ZFHX3: variants seen among roughly 807,000 people sequenced by gnomAD.
ZFHX3 encodes the protein zinc finger homeobox protein 3.
A neutral mutation model predicts 279.1 loss-of-function variants in ZFHX3; 42 were observed. The ratio of observed to expected loss-of-function variants is 0.15; its 90% confidence interval spans 0.12 to 0.19. The LOEUF (loss-of-function observed/expected upper bound fraction) is 0.19, where lower values mean the gene tolerates loss of function less well. Ranked by LOEUF, ZFHX3 falls within the 10% of genes least tolerant of loss-of-function variation. The pLI, the probability that ZFHX3 is intolerant of heterozygous loss-of-function variation, is 1.00. For missense variants in ZFHX3, 4,981 were observed against 4,754.0 expected, an observed-to-expected ratio of 1.05 and a Z score of -1.40; for synonymous variants, 2,293 against 1,957.8, an observed-to-expected ratio of 1.17 and a Z score of -4.52.
chr16:73,313,473 A>ATT (rs755005311), intron 4 of ZFHX3, among the ~76,000 whole-genome samples: 1 of 152,146 alleles, frequency 6.6e-6, no homozygotes, highest in Non-Finnish European at 1.5e-5. Context: ...TATACAACTT[A>ATT]TTTACCATAA....
At chr16:73,582,767 A>G (rs11865551) in intron 2 of ZFHX3, among the ~76,000 whole-genome samples, 13,050 of 151,828 alleles carry the variant, frequency 0.086, 1,652 homozygotes, top group African/African-American at 0.25. Flanking sequence ...ATGAGCCACC[A>G]TGCCTGGCCA....
intron 1 of ZFHX3, among the ~76,000 whole-genome samples, chr16:73,855,033 C>T (rs1225286989): frequency 2.6e-5 from 4 of 151,998 alleles, no homozygotes; most frequent in East Asian, 1.9e-4. Flanking sequence ...GTATTTTTCC[C>T]GAGGAGGTAC....
At chr16:73,791,816 T>C (rs1959833432) in intron 1 of ZFHX3, among the ~76,000 whole-genome samples, 1 of 152,212 alleles carries the variant, frequency 6.6e-6, no homozygotes, top group Non-Finnish European at 1.5e-5. Context: ...CTTTCAAATA[T>C]GTATTAATGA....
chr16:72,787,039 C>CTT lies in ZFHX3; in HGVS notation c.*123_*124dup, dbSNP rs76239888. 5.8e-3 allele frequency: 3,966 copies of CTT among 681,532 alleles called. 6 individuals carry two copies. Among genetic ancestry groups the CTT allele is most frequent in the East Asian group, 0.016 (279 of 17,996 alleles). The allele number at this position is 681,532 out of a possible 1,614,324, so 42.2% of individuals were successfully genotyped here. A position where few individuals can be genotyped will look rare whatever the true frequency, so the allele number is the denominator to read the frequency against. On this transcript the variant is annotated 3_prime_UTR_variant, in exon 10 of 10. Transcript: ENST00000268489. Reference sequence around the variant, plus strand: ...ACAACCCACGCTTTTTCTTTTTTTTCTTTTTTTTTTTTTTTTTGTTTTTTG... The same window carrying CTT: ...ACAACCCACGCTTTTTCTTTTTTTTCTTTTTTTTTTTTTTTTTTTGTTTTTTG...
rs548880808 is a variant in ZFHX3 at position 73,423,285 on chromosome 16, G to A, written c.-1291+32718C>T. On this transcript the variant is annotated intron_variant, in intron 3 of 17. Transcript: ENST00000641206. ...TTTTGCTGAGCATTGGACAGACACAGTTTTATAGCTAGACGACTAACATTT... is the reference window on the plus strand; with the variant it reads ...TTTTGCTGAGCATTGGACAGACACAATTTTATAGCTAGACGACTAACATTT... Among the ~76,000 whole-genome samples the A allele has an allele frequency of 2.6e-5, 4 of 152,262 alleles. No individual in the cohort carries two copies. In the South Asian group the frequency reaches 8.3e-4, roughly 32 times the overall value.
intron 3 of ZFHX3, among the ~76,000 whole-genome samples, chr16:73,334,729 C>A (rs775204956): frequency 8.6e-5 from 13 of 151,428 alleles, no homozygotes; most frequent in African/African-American, 3.2e-4. Context: ...CAAATTTGAA[C>A]CTGTCCCCTC....
chr16:72,905,559 G>C (rs1032510928), intron 3 of ZFHX3, among the ~76,000 whole-genome samples: 1 of 152,142 alleles, frequency 6.6e-6, no homozygotes, highest in African/African-American at 2.4e-5. Context: ...ACAGAAGAAA[G>C]GAAGAGGGAG....
chr16:73,155,108 G>A (rs1032000543), intron 5 of ZFHX3, among the ~76,000 whole-genome samples: 1 of 148,948 alleles, frequency 6.7e-6, no homozygotes, highest in Admixed American at 6.9e-5. Context: ...GGAGGCAGAG[G>A]TTGCAAGTGA....
At chr16:73,356,485 G>A (rs1404608724) in intron 3 of ZFHX3, among the ~76,000 whole-genome samples, 1 of 151,980 alleles carries the variant, frequency 6.6e-6, no homozygotes, top group African/African-American at 2.4e-5. Context: ...TTGTCCCCAC[G>A]CTGAGACGGG....
intron 4 of ZFHX3, among the ~76,000 whole-genome samples, chr16:72,845,652 C>G (rs1180124332): frequency 1.3e-5 from 2 of 152,224 alleles, no homozygotes; most frequent in African/African-American, 2.4e-5. Flanking sequence ...CGCAAAGCAT[C>G]TGTGACCCAG....
chr16:73,358,140 C>T (rs2016375776), intron 3 of ZFHX3, among the ~76,000 whole-genome samples: 1 of 152,234 alleles, frequency 6.6e-6, no homozygotes, highest in Non-Finnish European at 1.5e-5. Flanking sequence ...TTTGAGACGC[C>T]TTGCTTTGTA....
intron 5 of ZFHX3, among the ~76,000 whole-genome samples, chr16:73,158,877 T>G (rs538271331): frequency 7.9e-5 from 12 of 152,346 alleles, no homozygotes; most frequent in Middle Eastern, 6.8e-3. Flanking sequence ...ACTAGCCATA[T>G]GCAGAAGATT....
chr16:73,291,950 G>A (rs7195261), intron 4 of ZFHX3, among the ~76,000 whole-genome samples: 10,904 of 152,128 alleles, frequency 0.072, 513 homozygotes, highest in South Asian at 0.21. Context: ...TACATTTGTA[G>A]AAATGGTCTG....
chr16:72,959,560 T>C lies in ZFHX3; in HGVS notation c.586A>G (p.Asn196Asp), dbSNP rs1186084941. The part of the protein sequence containing the change: ...CAAPVYPQII[N>D]TFHIASSFGK... ...AAGGATGAGGCTATGTGGAAAGTGT[T>C]GATGATCTGCGGGTACACGGGTGCA... is the stretch of plus-strand genomic sequence containing the variant. The change falls in exon 2 of 10, where the codon AAC becomes GAC. Residue 196 changes from asparagine (N) to aspartate (D), a missense_variant. Asn to Asp is a conservative substitution (Grantham distance 23). Transcript: ENST00000268489. 1 of 1,614,194 alleles carries C rather than the reference T, an allele frequency of 6.2e-7. No individual in the cohort carries two copies. Among genetic ancestry groups the C allele is most frequent in the Non-Finnish European group, 8.5e-7 (1 of 1,180,020 alleles).
At chr16:73,069,022 T>C (rs901801500) in intron 8 of ZFHX3, among the ~76,000 whole-genome samples, 5 of 152,232 alleles carry the variant, frequency 3.3e-5, no homozygotes, top group Admixed American at 2.6e-4. Context: ...TCCAGTGGTA[T>C]GGGCTGATCA....
chr16:73,487,632 C>G (rs1056171409), intron 2 of ZFHX3: 4 of 264,318 alleles, frequency 1.5e-5, no homozygotes, highest in Admixed American at 1.5e-4. Context: ...GTCTTCAACT[C>G]CTGGGCTCAA....
chr16:73,177,693 G>T (rs1394902707), intron 5 of ZFHX3, among the ~76,000 whole-genome samples: 1 of 152,216 alleles, frequency 6.6e-6, no homozygotes, highest in African/African-American at 2.4e-5. Context: ...TTGAATAGAA[G>T]AGGCAGCCAA....
At chr16:73,297,469 A>T (rs1400093745) in intron 4 of ZFHX3, among the ~76,000 whole-genome samples, 1 of 152,060 alleles carries the variant, frequency 6.6e-6, no homozygotes, top group Non-Finnish European at 1.5e-5. Context: ...TATTTACAAC[A>T]AATATCCAAC....
intron 3 of ZFHX3, among the ~76,000 whole-genome samples, chr16:73,340,558 T>G (rs1305686194): frequency 7.2e-5 from 11 of 152,188 alleles, no homozygotes; most frequent in Non-Finnish European, 2.9e-5. Flanking sequence ...TTTGATTTTG[T>G]AGAGACGAAG....
Sources: allele counts gnomAD v4.1 joint callset (sites outside exome capture counted in the v4.1 genomes callset), GRCh38; gene constraint gnomAD v4.1.1; transcripts MANE v1.5; gene names NCBI Gene and HGNC (gene_info 2026-07-23, HGNC 2026-07-21).